CCDC92: variants seen among roughly 807,000 people sequenced by gnomAD.
CCDC92 encodes the protein coiled-coil domain containing 92, also known as coiled-coil domain-containing protein 92.
Under a neutral mutation model 24.9 loss-of-function variants are expected in CCDC92, and 12 were observed. The observed-to-expected ratio is 0.48, with a 90% confidence interval of 0.31 to 0.78. CCDC92 has a LOEUF of 0.78. Among genes scored for constraint, CCDC92 ranks in the 30% least tolerant of loss-of-function variants. The probability of loss-of-function intolerance (pLI) is 0.05; values close to 1 mark genes in which losing one functional copy is unlikely to be tolerated. For synonymous variants in CCDC92, 193 were observed against 196.3 expected, an observed-to-expected ratio of 0.98 and a Z score of 0.14; for missense variants, 399 against 439.4, an observed-to-expected ratio of 0.91 and a Z score of 0.82.
intron 1 of CCDC92, among the ~76,000 whole-genome samples, chr12:123,965,076 A>T (rs1956360447): frequency 6.6e-6 from 1 of 152,162 alleles, no homozygotes; most frequent in African/African-American, 2.4e-5. Flanking sequence ...TCTTTTTTTT[A>T]AATACTTGTT....
intron 1 of CCDC92, among the ~76,000 whole-genome samples, chr12:123,970,766 G>C (rs1452774468): frequency 3.3e-5 from 5 of 152,178 alleles, no homozygotes; most frequent in African/African-American, 1.2e-4. Flanking sequence ...CCTTGTTCCA[G>C]ATAGAAGGAA....
At chr12:123,949,827 G>A (rs893009122) in intron 1 of CCDC92, among the ~76,000 whole-genome samples, 1 of 152,242 alleles carries the variant, frequency 6.6e-6, no homozygotes, top group African/African-American at 2.4e-5. Context: ...TAGTGTCAAC[G>A]TGTCTGAGGA....
At chr12:123,959,948 C>G (rs1197445715) in intron 1 of CCDC92, among the ~76,000 whole-genome samples, 1 of 152,236 alleles carries the variant, frequency 6.6e-6, no homozygotes, top group Non-Finnish European at 1.5e-5. Context: ...CCCAGATAAA[C>G]TGTCATGGGA....
In CCDC92 at chr12:123,937,963, G is replaced by C. The variant is rs113747401; in HGVS notation, c.224-133C>G. On this transcript the variant is annotated intron_variant, in intron 4 of 4. Coordinates refer to ENST00000238156, the MANE Select transcript of CCDC92 (RefSeq NM_025140.3). This position sits in a 1 kb window ranked among gnomAD's most constrained non-coding sequence, Gnocchi z 8.4. ...TGGGGGCCATGCAGAAGGCAGGGCT[G>C]TGGGGGCTCTGGAAAGACCCCTCCC... The C allele has an allele frequency of 2.2e-6, 2 of 901,060 alleles. No homozygotes were observed. The highest frequency in any genetic ancestry group is 3.3e-5 in the African/African-American group (2 of 60,028). The allele number at this position is 901,060 out of a possible 1,614,324, so 55.8% of individuals were successfully genotyped here. A position where few individuals can be genotyped will look rare whatever the true frequency, so the allele number is the denominator to read the frequency against.
At chr12:123,943,927 A>G (rs1955768705) in intron 2 of CCDC92, 2 of 469,542 alleles carry the variant, frequency 4.3e-6, no homozygotes, top group East Asian at 7.5e-5. Flanking sequence ...ACCTCACCCC[A>G]ACAGACTGTG....
chr12:123,955,744 A>C (rs1956135424), intron 1 of CCDC92, among the ~76,000 whole-genome samples: 1 of 152,034 alleles, frequency 6.6e-6, no homozygotes, highest in Non-Finnish European at 1.5e-5. Context: ...TCAGCCTCCT[A>C]TGTAGCTGGG....
chr12:123,950,682 G>A (rs890070646), intron 1 of CCDC92, among the ~76,000 whole-genome samples: 1 of 152,140 alleles, frequency 6.6e-6, no homozygotes, highest in Non-Finnish European at 1.5e-5. Context: ...GTCCTCTGGG[G>A]GCCAAGTTAG....
At chr12:123,940,610 T>G (rs1955654800) in intron 4 of CCDC92, among the ~76,000 whole-genome samples, 1 of 152,158 alleles carries the variant, frequency 6.6e-6, no homozygotes, top group South Asian at 2.1e-4. Flanking sequence ...CTCCACCTCC[T>G]CCTCTGTACG....
intron 1 of CCDC92, among the ~76,000 whole-genome samples, chr12:123,969,239 T>C (rs1956463788): frequency 6.6e-6 from 1 of 152,202 alleles, no homozygotes; most frequent in African/African-American, 2.4e-5. Flanking sequence ...CCTAAGCTTT[T>C]CGGCTTGCTG....
rs1594528952 is a variant in CCDC92, at chr12:123,972,532, C to A, written c.-63G>T. The A allele has an allele frequency of 6.6e-6, 1 of 151,796 alleles. No individual in the cohort carries two copies. Among genetic ancestry groups the A allele is most frequent in the African/African-American group, 2.4e-5 (1 of 41,508 alleles). The allele number at this position is 151,796 out of a possible 1,614,324, so 9.4% of individuals were successfully genotyped here. ...CACACCCCGGGCCCCGCCTCACCTG[C>A]GGGCGCCGCCGTCGCGTTCCTTCAG... On this transcript the variant is annotated 5_prime_UTR_variant, in exon 1 of 5. Coordinates refer to ENST00000238156, the MANE Select transcript of CCDC92 (RefSeq NM_025140.3).
At chr12:123,952,382 A>G (rs1038404064) in intron 1 of CCDC92, among the ~76,000 whole-genome samples, 4 of 152,244 alleles carry the variant, frequency 2.6e-5, no homozygotes, top group Non-Finnish European at 4.4e-5. Context: ...GGAGGCAACT[A>G]GAGAGGCAGG....
chr12:123,961,860 A>C (rs1483742608), intron 1 of CCDC92, among the ~76,000 whole-genome samples: 2 of 152,230 alleles, frequency 1.3e-5, no homozygotes, highest in African/African-American at 4.8e-5. Context: ...ACTTCCTTAA[A>C]GTCACACCTA....
At chr12:123,946,439 C>G (rs1405751788) in intron 1 of CCDC92, 1 of 152,526 alleles carries the variant, frequency 6.6e-6, no homozygotes, top group African/African-American at 2.4e-5. Flanking sequence ...TCTCCACTGT[C>G]TACTTATCCT....
chr12:123,969,889 A>G (rs886942201), intron 1 of CCDC92: 9 of 152,186 alleles, frequency 5.9e-5, no homozygotes, highest in African/African-American at 2.2e-4. Context: ...GCCTTCCTAG[A>G]AAAGGGTAAT....
At chr12:123,964,392 A>G (rs529787136) in intron 1 of CCDC92, among the ~76,000 whole-genome samples, 5 of 151,158 alleles carry the variant, frequency 3.3e-5, no homozygotes, top group African/African-American at 1.2e-4. Context: ...GGTATAAGAG[A>G]AGGTTATGTC....
intron 1 of CCDC92, among the ~76,000 whole-genome samples, chr12:123,957,797 C>T (rs1422466285): frequency 6.7e-6 from 1 of 149,760 alleles, no homozygotes; most frequent in African/African-American, 2.5e-5. Context: ...CAACCTCCAC[C>T]TCCCACGTTC....
chr12:123,960,244 T>C (rs1956242079), intron 1 of CCDC92, among the ~76,000 whole-genome samples: 2 of 152,328 alleles, frequency 1.3e-5, no homozygotes, highest in Non-Finnish European at 2.9e-5. Flanking sequence ...TTAGTGGTGA[T>C]CTCACTCAGC....
intron 1 of CCDC92, among the ~76,000 whole-genome samples, chr12:123,947,139 C>T (rs1219242616): frequency 1.3e-5 from 2 of 152,214 alleles, no homozygotes; most frequent in Non-Finnish European, 2.9e-5. Context: ...GGTCCCCTAG[C>T]AGTGCCAGCC....
chr12:123,968,513 T>C (rs776923799), intron 1 of CCDC92: 1 of 152,240 alleles, frequency 6.6e-6, no homozygotes, highest in Non-Finnish European at 1.5e-5. Context: ...ATAAACACTT[T>C]TAAAGTTTTA....
Sources: allele counts gnomAD v4.1 joint callset (sites outside exome capture counted in the v4.1 genomes callset), GRCh38; gene constraint gnomAD v4.1.1; non-coding constraint Gnocchi (gnomAD v3.1); transcripts MANE v1.5; gene names NCBI Gene and HGNC (gene_info 2026-07-23, HGNC 2026-07-21).